The following SP2 variants were observed in gnomAD, a reference collection of about 807,000 sequenced individuals.
SP2 encodes the protein transcription factor Sp2.
In SP2, 9 loss-of-function variants were observed where a neutral mutation model predicts 50.1. That is an observed-to-expected ratio of 0.18 (90% CI 0.11 to 0.31). The LOEUF (loss-of-function observed/expected upper bound fraction) is 0.31, where lower values mean the gene tolerates loss of function less well. Among genes scored for constraint, SP2 ranks in the 10% least tolerant of loss-of-function variants. SP2 has a pLI of 1.00. For missense variants in SP2, 581 were observed against 806.5 expected, an observed-to-expected ratio of 0.72 and a Z score of 3.39; for synonymous variants, 313 against 326.6, an observed-to-expected ratio of 0.96 and a Z score of 0.45.
chr17:47,913,806 A>G (rs1307306015), intron 1 of SP2, among the ~76,000 whole-genome samples: 1 of 152,214 alleles, frequency 6.6e-6, no homozygotes, highest in African/African-American at 2.4e-5. Flanking sequence ...GAATATATTT[A>G]TCATGGGAAA....
intron 6 of SP2, 88 bp from the exon 7 acceptor site, chr17:47,927,636 G>T: frequency 1.3e-6 from 1 of 775,690 alleles, no homozygotes; most frequent in South Asian, 1.6e-5. Context: ...CAGCTTGATT[G>T]GGTGCACCTC....
Position 47,916,831 on chromosome 17 carries a change from G to T in SP2, c.760G>T (p.Ala254Ser), listed in dbSNP as rs984011670. The change falls in exon 3 of 7, where the codon GCC becomes TCC. Residue 254 changes from alanine to serine, a missense_variant. By Grantham distance (99) the Ala-to-Ser change is moderately conservative. Around this residue, in one of 2 missense-constraint regions of SP2, gnomAD observed 397 missense variants for 491.0 expected, o/e 0.81. Coordinates refer to ENST00000376741, the MANE Select transcript of SP2 (RefSeq NM_003110.6). The surrounding 1 kb of genome is among the most constrained non-coding windows in gnomAD (Gnocchi z 4.7). ...NKKARKKSLP[A>S]SQPPVAVAEQ... ...GAAAGCAAGGAAGAAGAGCCTTCCT[G>T]CCTCCCAGCCCCCTGTGGCTGTGGC... The T allele has an allele frequency of 1.2e-5, 19 of 1,613,916 alleles. No individual in the cohort carries two copies. The highest frequency in any genetic ancestry group is 1.5e-5 in the Non-Finnish European group (18 of 1,179,900).
rs1023082759 is a variant in SP2 at position 47,923,096 on chromosome 17, C to G, written c.1194C>G (p.Ser398Arg). The change falls in exon 4 of 7, where the codon AGC becomes AGG. Residue 398 changes from serine (S) to arginine (R), a missense_variant. Around this residue, in one of 2 missense-constraint regions of SP2, gnomAD observed 184 missense variants for 315.5 expected, o/e 0.58. Transcript: ENST00000376741. ...ASRAPHLSGT[S>R]KKHSAAILRK... ...GTGCTCCCCATCTGAGTGGGACCAGCAAAAAGCACTCAGCTGCAATTCTCC... is the reference window on the plus strand; with the variant it reads ...GTGCTCCCCATCTGAGTGGGACCAGGAAAAAGCACTCAGCTGCAATTCTCC... The G allele has an allele frequency of 1.9e-5, 30 of 1,614,120 alleles. No homozygotes were observed. Among genetic ancestry groups the G allele is most frequent in the Non-Finnish European group, 2.5e-5 (29 of 1,180,038 alleles).
chr17:47,919,422 A>T (rs12949191), intron 3 of SP2, among the ~76,000 whole-genome samples: 72,541 of 151,556 alleles, frequency 0.48, 17,628 homozygotes, highest in East Asian at 0.76. Context: ...AAAAAAAAAA[A>T]TTTTTTTTAA....
chr17:47,898,706 T>A (rs915510283), intron 1 of SP2: 1 of 152,190 alleles, frequency 6.6e-6, no homozygotes, highest in Non-Finnish European at 1.5e-5. Flanking sequence ...GGCTATGGAA[T>A]GAAAGATGCA....
At chr17:47,930,001 A>G (rs1453049833), downstream of SP2, 5 of 152,236 alleles carry the variant, frequency 3.3e-5, no homozygotes, top group African/African-American at 7.2e-5. Context: ...CACAGATCTC[A>G]GATGGATCCA....
intron 1 of SP2, among the ~76,000 whole-genome samples, chr17:47,913,930 AT>A (rs2035087824): frequency 6.6e-6 from 1 of 152,226 alleles, no homozygotes; most frequent in Non-Finnish European, 1.5e-5. Flanking sequence ...ATATATAGAA[AT>A]ATATACACAT....
At position 47,925,376 on chromosome 17, in the gene SP2, G is replaced by A. The variant is rs1353591019; in HGVS notation, c.1576G>A (p.Val526Met). 5.6e-6 allele frequency: 9 copies of A among 1,613,856 alleles called. No homozygotes were observed. The highest frequency in any genetic ancestry group is 1.1e-5 in the South Asian group (1 of 91,074). Residue 526 changes from valine (V) to methionine (M), a missense_variant, in exon 6 of 7, where the codon GTG (valine) becomes ATG (methionine). Coordinates refer to ENST00000376741, the MANE Select transcript of SP2 (RefSeq NM_003110.6). ...TGGAGAGCAGGGCAAGAAGAAGCAC[G>A]TGTGCCACATCCCCGACTGTGGCAA... is the stretch of plus-strand genomic sequence containing the variant. ...RSGEQGKKKH[V>M]CHIPDCGKTF... is the part of the protein sequence containing the mutation.
At chr17:47,926,081 T>A (rs1598173624) in intron 6 of SP2, among the ~76,000 whole-genome samples, 1 of 151,826 alleles carries the variant, frequency 6.6e-6, no homozygotes, top group Non-Finnish European at 1.5e-5. Flanking sequence ...CACACCCAGC[T>A]AATTTTTGTA....
intron 3 of SP2, among the ~76,000 whole-genome samples, chr17:47,921,773 G>C (rs958543248): frequency 6.6e-6 from 1 of 152,188 alleles, no homozygotes; most frequent in Non-Finnish European, 1.5e-5. Context: ...AGGAGCCTGG[G>C]TTCCTTTTAG....
chr17:47,911,280 G>A (rs994657068), intron 1 of SP2, among the ~76,000 whole-genome samples: 2 of 152,132 alleles, frequency 1.3e-5, no homozygotes, highest in Non-Finnish European at 1.5e-5. Flanking sequence ...GGTGATTCAT[G>A]CCTGTAATCC....
At chr17:47,924,575 A>C (rs1379887350) in intron 4 of SP2, among the ~76,000 whole-genome samples, 1 of 152,178 alleles carries the variant, frequency 6.6e-6, no homozygotes, top group Admixed American at 6.5e-5. Flanking sequence ...CAATATTCTA[A>C]AGCAAATTCT....
chr17:47,907,891 T>C (rs191488534), intron 1 of SP2, among the ~76,000 whole-genome samples: 2 of 152,328 alleles, frequency 1.3e-5, no homozygotes, highest in African/African-American at 4.8e-5. Context: ...TAGGTATCTA[T>C]GCTACCTCTT....
Position 47,916,082 on chromosome 17 carries a change from A to G in SP2, c.85-74A>G, listed in dbSNP as rs2035189948. The G allele has an allele frequency of 7.9e-6, 12 of 1,518,512 alleles. No homozygotes were observed. Among genetic ancestry groups the G allele is most frequent in the Non-Finnish European group, 9.7e-6 (11 of 1,131,826 alleles). 94.1% of individuals were successfully genotyped at this position (1,518,512 alleles called of 1,614,324 possible). A position where few individuals can be genotyped will look rare whatever the true frequency, so the allele number is the denominator to read the frequency against. On this transcript the variant is annotated intron_variant, in intron 2 of 6. Transcript: ENST00000376741. This position sits in a 1 kb window ranked among gnomAD's most constrained non-coding sequence, Gnocchi z 4.7. ...ACTGGCGTGGAATGCCGCCAGGAGGAGAGGATCATGGACAGAGGCGGCCGG... is the reference window on the plus strand; with the variant it reads ...ACTGGCGTGGAATGCCGCCAGGAGGGGAGGATCATGGACAGAGGCGGCCGG...
At chr17:47,912,645 A>G (rs150328483) in intron 1 of SP2, among the ~76,000 whole-genome samples, 50 of 152,046 alleles carry the variant, frequency 3.3e-4, no homozygotes, top group African/African-American at 6.8e-4. Context: ...GGGTCTCCCT[A>G]TGTTGCCCAG....
intron 1 of SP2, among the ~76,000 whole-genome samples, chr17:47,902,480 G>A (rs534356409): frequency 2.6e-5 from 4 of 152,312 alleles, no homozygotes; most frequent in Admixed American, 6.5e-5. Flanking sequence ...GCACAGCTAG[G>A]AGGTTAATCC....
In SP2 at chr17:47,927,793, A is replaced by G; in HGVS notation, c.1811A>G (p.Tyr604Cys). Residue 604 changes from tyrosine to cysteine, a missense_variant, in exon 7 of 7, where the codon TAC (tyrosine) becomes TGC (cysteine). Physicochemically the swap from Tyr to Cys is radical, Grantham distance 194. Coordinates refer to ENST00000376741, the MANE Select transcript of SP2 (RefSeq NM_003110.6). ...AGGAGTGACCACCTCACCAAGCATT[A>G]CAAGACCCACCTGGTCACGAAGAAC... ...FMRSDHLTKH[Y>C]KTHLVTKNL 1.3e-6 allele frequency: 2 copies of G among 1,598,252 alleles called. No homozygotes were observed. Among genetic ancestry groups the G allele is most frequent in the Non-Finnish European group, 8.5e-7 (1 of 1,172,068 alleles).
Position 47,925,453 on chromosome 17 carries a change from C to A in SP2, c.1653C>A (p.Gly551=). ...GTGCCCATGTGCGCCTGCACACTGG[C>A]GAGCGGCCCTTTGTCTGCAACTGGT... is the stretch of plus-strand genomic sequence containing the variant. The part of the protein sequence containing the change: ...LLRAHVRLHT[G]ERPFVCNWFF... Residue 551 remains glycine, a synonymous_variant, in exon 6 of 7, where the codon GGC becomes GGA. Transcript: ENST00000376741. 1 of 1,614,224 alleles carries A rather than the reference C, an allele frequency of 6.2e-7. No homozygotes were observed.
chr17:47,924,880 C>T, intron 4 of SP2, 39 bp from the exon 5 acceptor site: 1 of 1,522,906 alleles, frequency 6.6e-7, no homozygotes, highest in Non-Finnish European at 8.9e-7. Flanking sequence ...AGGTTTCAGG[C>T]TTCCTCACCC....
Sources: allele counts gnomAD v4.1 joint callset (sites outside exome capture counted in the v4.1 genomes callset), GRCh38; gene constraint gnomAD v4.1.1; regional missense constraint gnomAD v4.1.1; non-coding constraint Gnocchi (gnomAD v3.1); transcripts MANE v1.5; gene names NCBI Gene and HGNC (gene_info 2026-07-23, HGNC 2026-07-21).